The following STUM variants were observed in gnomAD, a reference collection of about 807,000 sequenced individuals.
STUM encodes stum, mechanosensory transduction mediator homolog.
In STUM, 8 loss-of-function variants were observed where a neutral mutation model predicts 15.3. That is an observed-to-expected ratio of 0.52 (90% confidence interval 0.31 to 0.94). The LOEUF (loss-of-function observed/expected upper bound fraction) is 0.94, where lower values mean the gene tolerates loss of function less well. STUM is among the 40% of genes least tolerant of loss of function. The pLI is 0.05. For missense variants in STUM, 142 were observed against 204.9 expected (o/e 0.69, Z 1.87); for synonymous variants, 78 against 88.7 (o/e 0.88, Z 0.68).
At chr1:226,592,609 G>A (rs1377918021) in intron 1 of STUM, among the ~76,000 whole-genome samples, 1 of 152,214 alleles carries the variant, frequency 6.6e-6, no homozygotes, top group Admixed American at 6.5e-5. Context: ...TGGCACCTAT[G>A]TTATTTTCAC....
In STUM at chr1:226,549,254, G is replaced by A. The variant is rs936716972; in HGVS notation, c.202+148G>A. 2 of 675,268 alleles carry A rather than the reference G, an allele frequency of 3.0e-6. No homozygotes were observed. Among genetic ancestry groups the A allele is most frequent in the South Asian group, 4.3e-5 (2 of 46,466 alleles). 41.8% of individuals were successfully genotyped at this position (675,268 alleles called of 1,614,324 possible). A position where few individuals can be genotyped will look rare whatever the true frequency, so the allele number is the denominator to read the frequency against. On this transcript the variant is annotated intron_variant, in intron 1 of 3. Transcript: ENST00000366788. The surrounding 1 kb of genome is among the most constrained non-coding windows in gnomAD (Gnocchi z 6.8). ...GCCACCGCCCGCTCCTGGCGTCCCCGGGCAGGTGGCAGAAGCGCGTGGAGT... is the reference window on the plus strand; with the variant it reads ...GCCACCGCCCGCTCCTGGCGTCCCCAGGCAGGTGGCAGAAGCGCGTGGAGT...
At position 226,608,761 on chromosome 1, in the gene STUM, G is replaced by A. The variant is rs566053971; in HGVS notation, c.*6721G>A. On this transcript the variant is annotated 3_prime_UTR_variant, in exon 4 of 4. Transcript: ENST00000366788. The surrounding 1 kb of genome is among the most constrained non-coding windows in gnomAD (Gnocchi z 4.0). ...CTTGGAAGAAAACGTCTAATGTCGG[G>A]GACGTAGGGACGCTTCCAGACTTGC... The A allele has an allele frequency of 6.6e-6, 1 of 152,332 alleles. No homozygotes were observed. Among genetic ancestry groups the A allele is most frequent in the South Asian group, 2.1e-4 (1 of 4,824 alleles). The allele number at this position is 152,332 out of a possible 1,614,324, so 9.4% of individuals were successfully genotyped here. A position where few individuals can be genotyped will look rare whatever the true frequency, so the allele number is the denominator to read the frequency against.
intron 1 of STUM, among the ~76,000 whole-genome samples, chr1:226,562,503 T>C (rs1667559267): frequency 6.6e-6 from 1 of 151,424 alleles, no homozygotes. Context: ...AAGAAAATTG[T>C]ATCTCAATAA....
chr1:226,591,723 A>C (rs1435826362), intron 1 of STUM, among the ~76,000 whole-genome samples: 1 of 152,212 alleles, frequency 6.6e-6, no homozygotes. Context: ...TTATGCTCAA[A>C]ACTTTCATAT....
chr1:226,573,885 G>A (rs1448189482), intron 1 of STUM, among the ~76,000 whole-genome samples: 1 of 151,404 alleles, frequency 6.6e-6, no homozygotes, highest in Non-Finnish European at 1.5e-5. Flanking sequence ...GCCAGGCTGG[G>A]GTGCAGTGGT....
chr1:226,562,852 A>G (rs1667564346), intron 1 of STUM, among the ~76,000 whole-genome samples: 1 of 152,236 alleles, frequency 6.6e-6, no homozygotes, highest in Non-Finnish European at 1.5e-5. Flanking sequence ...TAGAATACAG[A>G]TTGCAGATTA....
chr1:226,591,489 A>G (rs1345212177), intron 1 of STUM, among the ~76,000 whole-genome samples: 1 of 152,194 alleles, frequency 6.6e-6, no homozygotes, highest in Non-Finnish European at 1.5e-5. Flanking sequence ...TTCCTAACAT[A>G]TAAGCCAAAG....
Position 226,606,377 on chromosome 1 carries a change from G to A in STUM, c.*4337G>A, listed in dbSNP as rs544543178. ...TGCCAGATCCAACCCCTAGGCTTGA[G>A]GGTGGAGAGCCAGGCCTCCTCAGGG... On this transcript the variant is annotated 3_prime_UTR_variant, in exon 4 of 4. Transcript: ENST00000366788. 3.3e-5 allele frequency: 5 copies of A among 152,356 alleles called. No homozygotes were observed. In the East Asian group the frequency reaches 9.6e-4, roughly 29 times the overall value. 9.4% of individuals were successfully genotyped at this position (152,356 alleles called of 1,614,324 possible).
chr1:226,574,655 C>T (rs899468457), intron 1 of STUM, among the ~76,000 whole-genome samples: 1 of 152,186 alleles, frequency 6.6e-6, no homozygotes, highest in African/African-American at 2.4e-5. Context: ...GGAAGCTATG[C>T]GCACTGTTTC....
In STUM at chr1:226,605,817, G is replaced by A. The variant is rs1429878532; in HGVS notation, c.*3777G>A. On this transcript the variant is annotated 3_prime_UTR_variant, in exon 4 of 4. Coordinates refer to ENST00000366788, the MANE Select transcript of STUM (RefSeq NM_001003665.4). This position sits in a 1 kb window ranked among gnomAD's most constrained non-coding sequence, Gnocchi z 4.0. ...CCCTCCTTTAGGCAGGCCCAGAAAG[G>A]TGCCCCTTCCTGAGGGTGTTGGGGG... is the stretch of plus-strand genomic sequence containing the variant. 1 of 152,354 alleles carries A rather than the reference G, an allele frequency of 6.6e-6. No homozygotes were observed. The highest frequency in any genetic ancestry group is 2.4e-5 in the African/African-American group (1 of 41,458). The allele number at this position is 152,354 out of a possible 1,614,324, so 9.4% of individuals were successfully genotyped here. A position where few individuals can be genotyped will look rare whatever the true frequency, so the allele number is the denominator to read the frequency against.
At chr1:226,562,084 G>A (rs1406173413) in intron 1 of STUM, among the ~76,000 whole-genome samples, 4 of 152,130 alleles carry the variant, frequency 2.6e-5, no homozygotes, top group Middle Eastern at 6.8e-3. Context: ...TGTTCTAAAT[G>A]TTCTAAAATT....
At chr1:226,586,719 A>G (rs1280766833) in intron 1 of STUM, among the ~76,000 whole-genome samples, 6 of 152,052 alleles carry the variant, frequency 3.9e-5, no homozygotes, top group Admixed American at 3.9e-4. Flanking sequence ...TGGAAATGTC[A>G]TCTTGTGAGG....
At chr1:226,584,017 A>G (rs1398137800) in intron 1 of STUM, among the ~76,000 whole-genome samples, 1 of 152,168 alleles carries the variant, frequency 6.6e-6, no homozygotes. Flanking sequence ...CGAAAAAAAA[A>G]ACCATTGTGT....
chr1:226,556,039 C>T (rs989490854), intron 1 of STUM, among the ~76,000 whole-genome samples: 5 of 152,036 alleles, frequency 3.3e-5, no homozygotes, highest in African/African-American at 9.7e-5. Flanking sequence ...TTTTCAAATC[C>T]GGCGTATATT....
chr1:226,571,165 A>G (rs1667704912), intron 1 of STUM, among the ~76,000 whole-genome samples: 1 of 152,174 alleles, frequency 6.6e-6, no homozygotes, highest in Non-Finnish European at 1.5e-5. Context: ...CGGGAGACGG[A>G]GGTTGCAGTG....
chr1:226,556,169 G>C (rs999649085), intron 1 of STUM, among the ~76,000 whole-genome samples: 7 of 152,226 alleles, frequency 4.6e-5, no homozygotes, highest in Non-Finnish European at 7.3e-5. Context: ...TGCCATGGGA[G>C]TGGTCAGTTA....
At chr1:226,593,157 G>C (rs1215441665) in intron 1 of STUM, among the ~76,000 whole-genome samples, 2 of 142,148 alleles carry the variant, frequency 1.4e-5, no homozygotes, top group African/African-American at 5.4e-5. Context: ...CTGCACCCCA[G>C]CCTGGGGGAC....
intron 1 of STUM, among the ~76,000 whole-genome samples, chr1:226,584,705 G>C (rs570465178): frequency 1.3e-5 from 2 of 152,316 alleles, no homozygotes; most frequent in Non-Finnish European, 2.9e-5. Context: ...AGGGGCTTCT[G>C]TCACAGCCTT....
chr1:226,601,964 A>C, intron 3 of STUM, 42 bp from the exon 4 acceptor site: 1 of 1,591,138 alleles, frequency 6.3e-7, no homozygotes, highest in Non-Finnish European at 8.6e-7. Flanking sequence ...ATCCTGAAGT[A>C]AGCAGGTGTC....
Sources: allele counts gnomAD v4.1 joint callset (sites outside exome capture counted in the v4.1 genomes callset), GRCh38; gene constraint gnomAD v4.1.1; non-coding constraint Gnocchi (gnomAD v3.1); transcripts MANE v1.5; gene names NCBI Gene and HGNC (gene_info 2026-07-23, HGNC 2026-07-21).